The following PTPRA variants were observed in gnomAD, a reference collection of about 807,000 sequenced individuals.
PTPRA encodes receptor-type tyrosine-protein phosphatase alpha.
In PTPRA, 25 loss-of-function variants were observed where a neutral mutation model predicts 104.8. The ratio of observed to expected loss-of-function variants is 0.24; its 90% CI spans 0.17 to 0.33. The LOEUF is 0.33. Among genes scored for constraint, PTPRA ranks in the 10% least tolerant of loss-of-function variants. The probability of loss-of-function intolerance (pLI) is 1.00; values close to 1 mark genes in which losing one functional copy is unlikely to be tolerated. For synonymous variants in PTPRA, 323 were observed against 368.9 expected, an observed-to-expected ratio of 0.88 and a Z score of 1.43; for missense variants, 765 against 1,015.3, an observed-to-expected ratio of 0.75 and a Z score of 3.35.
At chr20:3,007,442 T>C (rs2148316119) in intron 11 of PTPRA, 22 bp downstream of exon 11, 1 of 1,602,264 alleles carries the variant, frequency 6.2e-7, no homozygotes, top group Non-Finnish European at 8.6e-7. Flanking sequence ...GTGCTTTCCC[T>C]GTCACTTCCC....
chr20:2,882,484 G>C (rs2090116939), intron 1 of PTPRA, among the ~76,000 whole-genome samples: 1 of 151,660 alleles, frequency 6.6e-6, no homozygotes, highest in Non-Finnish European at 1.5e-5. Flanking sequence ...GGAGAGATGA[G>C]GTCTCACTAT....
At chr20:2,927,033 C>T (rs185949755) in intron 2 of PTPRA, among the ~76,000 whole-genome samples, 13 of 151,750 alleles carry the variant, frequency 8.6e-5, no homozygotes, top group East Asian at 7.8e-4. Context: ...TCAAGTGATC[C>T]GCCCGCCTCG....
intron 9 of PTPRA, among the ~76,000 whole-genome samples, chr20:2,989,732 A>T (rs1041385665): frequency 3.3e-5 from 5 of 152,000 alleles, no homozygotes; most frequent in African/African-American, 1.2e-4. Context: ...TGAAAAAATG[A>T]CTCAGCTGGG....
intron 1 of PTPRA, among the ~76,000 whole-genome samples, chr20:2,903,857 A>G (rs1219193049): frequency 6.6e-6 from 1 of 152,138 alleles, no homozygotes; most frequent in Admixed American, 6.5e-5. Flanking sequence ...CTCCAGATGA[A>G]TAAGCCATCT....
At chr20:2,884,666 C>T (rs1401778346) in intron 1 of PTPRA, among the ~76,000 whole-genome samples, 1 of 152,030 alleles carries the variant, frequency 6.6e-6, no homozygotes. Flanking sequence ...AGATATAAGT[C>T]CCATATCAGA....
chr20:2,996,355 T>A (rs1284853429), intron 9 of PTPRA, among the ~76,000 whole-genome samples: 1 of 152,226 alleles, frequency 6.6e-6, no homozygotes, highest in East Asian at 1.9e-4. Flanking sequence ...TGACTGTGTT[T>A]GGATCAGTCA....
chr20:2,975,145 G>A (rs2062377444), intron 5 of PTPRA, 70 bp from the exon 6 acceptor site: 1 of 1,349,312 alleles, frequency 7.4e-7, no homozygotes, highest in Non-Finnish European at 1.0e-6. Context: ...TTGTTTTGTT[G>A]TACTCTAATT....
rs765111866 is a variant in PTPRA at position 3,038,040 on chromosome 20, C to T, written c.2335-19C>T. 1.7e-5 allele frequency: 27 copies of T among 1,592,990 alleles called. No individual in the cohort carries two copies. The highest frequency in any genetic ancestry group is 4.0e-5 in the African/African-American group (3 of 74,264). On this transcript the variant is annotated intron_variant, in intron 23 of 23. Transcript: ENST00000399903. ...GTTCTTCAGTAACCCTGACTTTTTC[C>T]CTACCTTTCACTCTCCAGGAACAGT...
At chr20:3,012,869 T>G (rs1046806838) in intron 11 of PTPRA, among the ~76,000 whole-genome samples, 2 of 152,208 alleles carry the variant, frequency 1.3e-5, no homozygotes, top group Non-Finnish European at 2.9e-5. Context: ...GATTTTTTGG[T>G]AAGTTTACCA....
the PTPRA span, chr20:2,866,034 C>T: frequency 4.8e-6 from 3 of 626,200 alleles, no homozygotes; most frequent in South Asian, 5.9e-5. Context: ...TGATTTCTGC[C>T]CTAAGAATGT....
intron 2 of PTPRA, among the ~76,000 whole-genome samples, chr20:2,943,507 A>T (rs1265856681): frequency 6.6e-6 from 1 of 152,124 alleles, no homozygotes; most frequent in East Asian, 1.9e-4. Flanking sequence ...TGTACTCAAG[A>T]GTCCATTGAT....
intron 17 of PTPRA, among the ~76,000 whole-genome samples, chr20:3,025,303 A>G (rs893221746): frequency 6.6e-6 from 1 of 151,932 alleles, no homozygotes; most frequent in African/African-American, 2.4e-5. Flanking sequence ...AAATACAAAA[A>G]GTAGCCAGGC....
intron 9 of PTPRA, among the ~76,000 whole-genome samples, chr20:2,996,829 G>A (rs1469145279): frequency 6.6e-6 from 1 of 152,210 alleles, no homozygotes; most frequent in Non-Finnish European, 1.5e-5. Flanking sequence ...ACAAAAGTAT[G>A]GGGCTGCAGA....
intron 1 of PTPRA, among the ~76,000 whole-genome samples, chr20:2,897,338 A>G (rs2059039631): frequency 6.6e-6 from 1 of 150,820 alleles, no homozygotes; most frequent in Non-Finnish European, 1.5e-5. Context: ...TAGATGGTAA[A>G]TTTAAAAAAT....
rs959547999 is a variant in PTPRA at position 2,879,499 on chromosome 20, T to C, written c.-129+5739T>C. Among the ~76,000 whole-genome samples the C allele has an allele frequency of 4.6e-5, 7 of 152,084 alleles. 1 individual carries two copies. The highest frequency in any genetic ancestry group is 1.7e-4 in the African/African-American group (7 of 41,398). On this transcript the variant is annotated intron_variant, in intron 1 of 23. Coordinates refer to ENST00000399903, the MANE Select transcript of PTPRA (RefSeq NM_001385305.1). ...GGGCAGGTGGCTTGCAGTGACAGAG[T>C]AATTCTCTGCCTAGGCTGCACTTTA...
chr20:3,017,105 C>A (rs553835865), intron 12 of PTPRA, among the ~76,000 whole-genome samples: 1 of 152,250 alleles, frequency 6.6e-6, no homozygotes, highest in South Asian at 2.1e-4. Flanking sequence ...TGATTTTCCT[C>A]CCAAACTCTT....
At chr20:2,916,032 G>T (rs1035667647) in intron 1 of PTPRA, among the ~76,000 whole-genome samples, 2 of 152,034 alleles carry the variant, frequency 1.3e-5, no homozygotes, top group Non-Finnish European at 2.9e-5. Flanking sequence ...AATCCACTTT[G>T]ATTTTTTTGT....
chr20:2,990,802 A>G (rs978928753), intron 9 of PTPRA, among the ~76,000 whole-genome samples: 2 of 152,106 alleles, frequency 1.3e-5, no homozygotes, highest in Non-Finnish European at 2.9e-5. Context: ...GGTCTGGTAA[A>G]GGAGGAATGG....
At position 2,877,880 on chromosome 20, in the gene PTPRA, C is replaced by T. The variant is rs370725600; in HGVS notation, c.-129+4120C>T. Among the ~76,000 whole-genome samples, 8 of 152,172 alleles carry T rather than the reference C, an allele frequency of 5.3e-5. No homozygotes were observed. The South Asian group carries it at 6.2e-4, about 12-fold the overall frequency. ...TTCATTTAAAATCACAGGCTGGGTG[C>T]GGTGGCTCACGCCTGTAATCCCAGC... is the stretch of plus-strand genomic sequence containing the variant. On this transcript the variant is annotated intron_variant, in intron 1 of 23. Transcript: ENST00000399903.
Sources: gnomAD v4.1 joint callset for allele counts (sites outside exome capture counted in the v4.1 genomes callset) on GRCh38, gnomAD v4.1.1 for gene constraint, MANE v1.5 for transcripts, NCBI Gene and HGNC (gene_info 2026-07-23, HGNC 2026-07-21) for gene names.